GDA: variants seen among roughly 807,000 people sequenced by gnomAD.
GDA encodes the protein cytoplasmic PSD-95 interactor.
In GDA, 18 loss-of-function variants were observed where a neutral mutation model predicts 59.6. The observed-to-expected ratio is 0.30, with a 90% CI of 0.21 to 0.45. The LOEUF (loss-of-function observed/expected upper bound fraction) is 0.45, where lower values mean the gene tolerates loss of function less well. GDA is among the 20% of genes least tolerant of loss of function. The pLI is 1.00. For synonymous variants in GDA, 201 were observed against 201.1 expected, an observed-to-expected ratio of 1.00 and a Z score of 0.00; for missense variants, 427 against 552.3, an observed-to-expected ratio of 0.77 and a Z score of 2.27.
At chr9:72,247,519 A>G (rs1840279063) in intron 13 of GDA, 86 bp downstream of exon 13, 2 of 739,186 alleles carry the variant, frequency 2.7e-6, no homozygotes, top group East Asian at 2.6e-5. Context: ...TATTTATCCT[A>G]CCATATATTA....
intron 2 of GDA, among the ~76,000 whole-genome samples, chr9:72,199,998 T>C (rs937468186): frequency 1.1e-4 from 16 of 145,516 alleles, no homozygotes; most frequent in Non-Finnish European, 1.7e-4. Flanking sequence ...TCCTTTCTTT[T>C]TTTTTTTTTT....
intron 3 of GDA, among the ~76,000 whole-genome samples, chr9:72,210,409 C>A (rs2131425131): frequency 6.6e-6 from 1 of 152,186 alleles, no homozygotes; most frequent in Admixed American, 6.5e-5. Flanking sequence ...CTTAAACAAT[C>A]CTAAGAAAGA....
intron 3 of GDA, among the ~76,000 whole-genome samples, chr9:72,206,821 A>G (rs1181822613): frequency 6.6e-6 from 1 of 151,994 alleles, no homozygotes; most frequent in Non-Finnish European, 1.5e-5. Flanking sequence ...TTTGCTTTTT[A>G]TTTTGCTACT....
intron 1 of GDA, among the ~76,000 whole-genome samples, chr9:72,167,622 T>A (rs1420406825): frequency 6.6e-6 from 1 of 152,226 alleles, no homozygotes; most frequent in Non-Finnish European, 1.5e-5. Flanking sequence ...GTGATTGGCA[T>A]ACAGCCTCTC....
intron 3 of GDA, among the ~76,000 whole-genome samples, chr9:72,206,298 A>C (rs1834691665): frequency 6.6e-6 from 1 of 152,074 alleles, no homozygotes; most frequent in African/African-American, 2.4e-5. Context: ...GAACATTTTC[A>C]TTCTGTTCCC....
chr9:72,245,555 A>G lies in GDA; in HGVS notation c.1266+277A>G, dbSNP rs552223164. On this transcript the variant is annotated intron_variant, in intron 12 of 13. Coordinates refer to ENST00000358399, the MANE Select transcript of GDA (RefSeq NM_004293.5). ...AACTAGCACTCATTGAACACTTGCT[A>G]TGTGCTGGGTAGGCATGGGATTAGG... 6.6e-5 allele frequency among the ~76,000 whole-genome samples: 10 copies of G among 152,316 alleles called. No homozygotes were observed. In the South Asian group the frequency reaches 8.3e-4, roughly 13 times the overall value.
intron 1 of GDA, among the ~76,000 whole-genome samples, chr9:72,116,665 G>T (rs777286009): frequency 6.6e-6 from 1 of 152,036 alleles, no homozygotes; most frequent in Non-Finnish European, 1.5e-5. Context: ...GATTACAGGC[G>T]TGAGCCACCG....
chr9:72,255,127 C>A (rs1840855503), downstream of GDA, among the ~76,000 whole-genome samples: 1 of 152,206 alleles, frequency 6.6e-6, no homozygotes, highest in South Asian at 2.1e-4. Context: ...CAGAGCAGGG[C>A]TAACTCATAG....
At chr9:72,163,842 T>TGTTTCAGGTGCAGGAGGCA (rs1315043125) in intron 1 of GDA, among the ~76,000 whole-genome samples, 1 of 152,136 alleles carries the variant, frequency 6.6e-6, no homozygotes, top group South Asian at 2.1e-4. Context: ...TAGATAAAAC[T>TGTTTCAGGTGCAGGAGGCA]GTTTCAGGTG....
At chr9:72,220,985 C>T (rs966933382) in intron 6 of GDA, among the ~76,000 whole-genome samples, 4 of 152,186 alleles carry the variant, frequency 2.6e-5, no homozygotes, top group Admixed American at 6.5e-5. Context: ...CTGACCCTTC[C>T]CTGATCATCT....
intron 1 of GDA, among the ~76,000 whole-genome samples, chr9:72,182,590 G>C (rs1027251792): frequency 2.0e-5 from 3 of 152,170 alleles, no homozygotes; most frequent in African/African-American, 7.2e-5. Context: ...GTGTGGGCCA[G>C]CTTTCTGCAC....
At chr9:72,225,522 G>A (rs1156772070) in intron 7 of GDA, among the ~76,000 whole-genome samples, 155 bp from the exon 8 acceptor site, 4 of 152,090 alleles carry the variant, frequency 2.6e-5, no homozygotes, top group Admixed American at 1.3e-4. Flanking sequence ...GAATATAATT[G>A]TTTCTAACAA....
upstream of GDA, among the ~76,000 whole-genome samples, chr9:72,147,279 C>T (rs1425022291): frequency 1.3e-5 from 2 of 152,218 alleles, no homozygotes; most frequent in African/African-American, 2.4e-5. Flanking sequence ...GTGATCTCAG[C>T]TCACTGCAAC....
chr9:72,118,969 G>A (rs1825566116), intron 1 of GDA, among the ~76,000 whole-genome samples: 7 of 152,074 alleles, frequency 4.6e-5, no homozygotes, highest in Admixed American at 4.6e-4. Context: ...GTATAATTAA[G>A]TTTTACATAT....
chr9:72,137,704 G>A (rs1265543061), intron 1 of GDA, among the ~76,000 whole-genome samples: 1 of 152,064 alleles, frequency 6.6e-6, no homozygotes, highest in Non-Finnish European at 1.5e-5. Context: ...TAACTTTGTG[G>A]TGGGAGGCTG....
chr9:72,218,386 G>T (rs1208080632), intron 5 of GDA, among the ~76,000 whole-genome samples: 1 of 152,184 alleles, frequency 6.6e-6, no homozygotes, highest in Admixed American at 6.5e-5. Flanking sequence ...GAGCAGAGGG[G>T]CTGCTTACAT....
chr9:72,142,209 T>A (rs1455690602), intron 1 of GDA, among the ~76,000 whole-genome samples: 2 of 152,214 alleles, frequency 1.3e-5, no homozygotes, highest in Admixed American at 1.3e-4. Context: ...GGGGAAATCT[T>A]TCATTTAACA....
Position 72,114,995 on chromosome 9 carries a change from G to C in GDA, c.-100+162G>C, listed in dbSNP as rs375901643. ...TTTTGATGGACCTGGTATATCACAG[G>C]AACTGCCACTATGGCCTTAACCCAC... On this transcript the variant is annotated intron_variant, in intron 1 of 13. Coordinates refer to the GDA transcript ENST00000545168. 4.6e-5 allele frequency among the ~76,000 whole-genome samples: 7 copies of C among 152,214 alleles called. No individual in the cohort carries two copies. The East Asian group carries it at 1.4e-3, about 30-fold the overall frequency.
At chr9:72,171,564 C>A (rs1277195929) in intron 1 of GDA, among the ~76,000 whole-genome samples, 3 of 152,012 alleles carry the variant, frequency 2.0e-5, no homozygotes, top group Admixed American at 2.0e-4. Flanking sequence ...CTCCAGAAAA[C>A]ATTTTTTTTT....
Sources: gnomAD v4.1 joint callset for allele counts (sites outside exome capture counted in the v4.1 genomes callset) on GRCh38, gnomAD v4.1.1 for gene constraint, MANE v1.5 for transcripts, NCBI Gene and HGNC (gene_info 2026-07-23, HGNC 2026-07-21) for gene names.